MAGI2: variants seen among roughly 807,000 people sequenced by gnomAD.
MAGI2 encodes the protein membrane-associated guanylate kinase, WW and PDZ domain-containing protein 2.
MAGI2 carries 35 observed loss-of-function variants against 133.3 expected under a neutral mutation model. The ratio of observed to expected loss-of-function variants is 0.26; its 90% confidence interval spans 0.20 to 0.35. MAGI2 has a LOEUF of 0.35. MAGI2 is among the 10% of genes least tolerant of loss of function. The pLI, the probability that MAGI2 is intolerant of heterozygous loss-of-function variation, is 1.00. For synonymous variants in MAGI2, 729 were observed against 710.6 expected (o/e 1.03, Z -0.41); for missense variants, 1,636 against 1,863.4 (o/e 0.88, Z 2.25).
At chr7:79,004,570 A>G (rs1807243047) in intron 2 of MAGI2, among the ~76,000 whole-genome samples, 1 of 152,184 alleles carries the variant, frequency 6.6e-6, no homozygotes, top group Non-Finnish European at 1.5e-5. Flanking sequence ...ACAACAGTGT[A>G]TTGTATATTT....
chr7:79,119,675 T>G (rs1819715121), intron 1 of MAGI2, among the ~76,000 whole-genome samples: 1 of 152,094 alleles, frequency 6.6e-6, no homozygotes, highest in African/African-American at 2.4e-5. Context: ...GAGCAGGACC[T>G]TCAATCCCAA....
At chr7:79,284,631 A>G (rs1197716959) in intron 1 of MAGI2, among the ~76,000 whole-genome samples, 1 of 152,090 alleles carries the variant, frequency 6.6e-6, no homozygotes, top group East Asian at 1.9e-4. Flanking sequence ...TTCGATTTCA[A>G]TAGGTTATCT....
intron 6 of MAGI2, among the ~76,000 whole-genome samples, chr7:78,384,776 C>T (rs1795230525): frequency 6.6e-6 from 1 of 152,062 alleles, no homozygotes; most frequent in Non-Finnish European, 1.5e-5. Flanking sequence ...CTGAATTCTA[C>T]TTGGGAATAT....
At chr7:78,297,974 TTAAAG>T (rs1797447659) in intron 9 of MAGI2, among the ~76,000 whole-genome samples, 1 of 120,028 alleles carries the variant, frequency 8.3e-6, no homozygotes, top group Admixed American at 8.4e-5. Context: ...ACCCTAGAAC[TTAAAG>T]TATAATTAAA....
chr7:78,797,521 A>G (rs1006162462), intron 2 of MAGI2, among the ~76,000 whole-genome samples: 2 of 152,114 alleles, frequency 1.3e-5, no homozygotes, highest in Non-Finnish European at 2.9e-5. Flanking sequence ...TTTCTTTATT[A>G]TGTGAATGAA....
intron 2 of MAGI2, among the ~76,000 whole-genome samples, chr7:78,813,098 G>T (rs1448097012): frequency 2.0e-5 from 3 of 152,146 alleles, no homozygotes; most frequent in Non-Finnish European, 4.4e-5. Context: ...GGCAGTCCCA[G>T]ATGGTTTCAC....
At chr7:78,967,010 T>C (rs1803374583) in intron 2 of MAGI2, among the ~76,000 whole-genome samples, 1 of 152,034 alleles carries the variant, frequency 6.6e-6, no homozygotes, top group African/African-American at 2.4e-5. Flanking sequence ...AGTGGTACGA[T>C]CATTGCAGGC....
chr7:78,714,175 A>G (rs184229099), intron 2 of MAGI2, among the ~76,000 whole-genome samples: 1 of 152,182 alleles, frequency 6.6e-6, no homozygotes, highest in African/African-American at 2.4e-5. Context: ...AGAAGAAAAA[A>G]GATACATAAA....
intron 2 of MAGI2, among the ~76,000 whole-genome samples, chr7:78,885,880 C>G (rs116846303): frequency 0.026 from 3,979 of 152,244 alleles, 74 homozygotes; most frequent in Middle Eastern, 0.051. Context: ...TTTACCAAAA[C>G]ACATTTCAGC....
chr7:79,250,318 C>A (rs1585324587), intron 1 of MAGI2, among the ~76,000 whole-genome samples: 1 of 139,118 alleles, frequency 7.2e-6, no homozygotes. Flanking sequence ...GTGATATGAT[C>A]TTAGATTTGG....
intron 1 of MAGI2, among the ~76,000 whole-genome samples, chr7:79,092,107 A>AT (rs1267816714): frequency 6.6e-6 from 1 of 152,128 alleles, no homozygotes; most frequent in African/African-American, 2.4e-5. Flanking sequence ...GAAGTTCCAC[A>AT]TTTTTTGTTA....
At chr7:79,348,271 C>T (rs948194606) in intron 1 of MAGI2, among the ~76,000 whole-genome samples, 2 of 151,752 alleles carry the variant, frequency 1.3e-5, no homozygotes, top group African/African-American at 4.8e-5. Flanking sequence ...AGTTTAATTA[C>T]ACAAATAAAG....
chr7:78,071,298 G>A (rs1347412196), intron 21 of MAGI2, among the ~76,000 whole-genome samples: 1 of 152,212 alleles, frequency 6.6e-6, no homozygotes, highest in Non-Finnish European at 1.5e-5. Flanking sequence ...CACTTTGGGA[G>A]GCTAAGGAGG....
chr7:78,444,005 G>A (rs1240384092), intron 6 of MAGI2, among the ~76,000 whole-genome samples: 1 of 151,982 alleles, frequency 6.6e-6, no homozygotes, highest in Non-Finnish European at 1.5e-5. Context: ...CCACTAGAGT[G>A]TAGACTCTCA....
chr7:78,783,570 T>G (rs1826566104), intron 2 of MAGI2, among the ~76,000 whole-genome samples: 1 of 152,186 alleles, frequency 6.6e-6, no homozygotes, highest in Non-Finnish European at 1.5e-5. Flanking sequence ...TGGATGGGAG[T>G]TCCGCTGTAC....
At position 78,580,964 on chromosome 7, in the gene MAGI2, T is replaced by A. The variant is rs1322117659; in HGVS notation, c.538+46156A>T. On this transcript the variant is annotated intron_variant, in intron 3 of 21. Transcript: ENST00000354212. Reference sequence around the variant, plus strand: ...ACGACAGATCTAATTTCAATAGAATTTTGAATTTAATGCCATATAAATAAT... The same window carrying A: ...ACGACAGATCTAATTTCAATAGAATATTGAATTTAATGCCATATAAATAAT... 3.3e-5 allele frequency among the ~76,000 whole-genome samples: 5 copies of A among 152,154 alleles called. No homozygotes were observed. The East Asian group carries it at 9.6e-4, about 29-fold the overall frequency.
At chr7:78,583,323 A>C (rs10262684) in intron 3 of MAGI2, 13,823 of 161,406 alleles carry the variant, frequency 0.086, 695 homozygotes, top group African/African-American at 0.14. Flanking sequence ...ATGGTGAAAC[A>C]CCGTCTCTAC....
At chr7:78,154,660 C>A (rs962399015) in intron 16 of MAGI2, among the ~76,000 whole-genome samples, 16 of 152,072 alleles carry the variant, frequency 1.1e-4, no homozygotes, top group Admixed American at 6.6e-5. Flanking sequence ...TATATTCCGG[C>A]ATAACCTCCT....
At chr7:78,110,051 G>A (rs911060944) in intron 20 of MAGI2, among the ~76,000 whole-genome samples, 3 of 152,150 alleles carry the variant, frequency 2.0e-5, no homozygotes, top group African/African-American at 7.2e-5. Flanking sequence ...TCGGGAGCTT[G>A]CCCCCAATTC....
Sources: allele counts gnomAD v4.1 joint callset (sites outside exome capture counted in the v4.1 genomes callset), GRCh38; gene constraint gnomAD v4.1.1; transcripts MANE v1.5; gene names NCBI Gene and HGNC (gene_info 2026-07-23, HGNC 2026-07-21).